Variants in PDE8B observed in about 807,000 individuals in gnomAD.
PDE8B encodes the protein phosphodiesterase 8B.
PDE8B carries 26 observed loss-of-function variants against 101.3 expected under a neutral mutation model. The ratio of observed to expected loss-of-function variants is 0.26; its 90% CI spans 0.19 to 0.36. PDE8B has a LOEUF of 0.36. Ranked by LOEUF, PDE8B falls within the 10% of genes least tolerant of loss-of-function variation. The pLI is 1.00. For synonymous variants in PDE8B, 424 were observed against 429.3 expected, an observed-to-expected ratio of 0.99 and a Z score of 0.15; for missense variants, 810 against 1,163.1, an observed-to-expected ratio of 0.70 and a Z score of 4.42.
the PDE8B span, among the ~76,000 whole-genome samples, chr5:77,200,624 C>G: frequency 1.3e-5 from 2 of 152,054 alleles, no homozygotes; most frequent in African/African-American, 4.8e-5. Flanking sequence ...CAATATCTTA[C>G]TACGTGTACA....
At chr5:77,314,946 T>A (rs1179808651) in intron 2 of PDE8B, among the ~76,000 whole-genome samples, 1 of 152,166 alleles carries the variant, frequency 6.6e-6, no homozygotes, top group African/African-American at 2.4e-5. Flanking sequence ...AGCACTTTTT[T>A]ATTTGTTTAT....
chr5:77,356,403 T>C (rs1782115170), intron 10 of PDE8B, among the ~76,000 whole-genome samples: 1 of 152,152 alleles, frequency 6.6e-6, no homozygotes, highest in Admixed American at 6.5e-5. Context: ...GTTAGGGCCC[T>C]GACATTATAT....
chr5:77,218,057 C>T (rs143580382), intron 1 of PDE8B, among the ~76,000 whole-genome samples: 62 of 152,276 alleles, frequency 4.1e-4, no homozygotes, highest in African/African-American at 1.4e-3. Flanking sequence ...GATTAGCCTA[C>T]CCTGCTGCAA....
At chr5:77,239,483 G>A (rs1447282036) in intron 1 of PDE8B, among the ~76,000 whole-genome samples, 1 of 152,136 alleles carries the variant, frequency 6.6e-6, no homozygotes, top group Non-Finnish European at 1.5e-5. Context: ...GCACTTCCTT[G>A]TTTGCAATCT....
chr5:77,382,795 A>G (rs1787756070), intron 10 of PDE8B, among the ~76,000 whole-genome samples: 2 of 152,104 alleles, frequency 1.3e-5, no homozygotes, highest in Admixed American at 1.3e-4. Flanking sequence ...ATAGTATTCC[A>G]TGGTTCACAT....
chr5:77,097,721 A>ATATATATATATATATATC, the PDE8B span, among the ~76,000 whole-genome samples: 1 of 30,802 alleles, frequency 3.2e-5, no homozygotes, highest in African/African-American at 6.1e-5. Flanking sequence ...ATATATATAT[A>ATATATATATATATATATC]TATATATATA....
chr5:77,151,770 A>C, the PDE8B span: 1 of 152,224 alleles, frequency 6.6e-6, no homozygotes. Context: ...TCTCTAAAGC[A>C]AAAGTTATTT....
At chr5:77,273,750 A>G (rs981877023) in intron 1 of PDE8B, among the ~76,000 whole-genome samples, 3 of 152,056 alleles carry the variant, frequency 2.0e-5, no homozygotes, top group African/African-American at 7.2e-5. Flanking sequence ...ATAAAGTTTG[A>G]TTTTTATTAA....
the PDE8B span, among the ~76,000 whole-genome samples, chr5:77,177,716 C>T: frequency 0.5 from 75,822 of 152,086 alleles, 19,476 homozygotes; most frequent in African/African-American, 0.61. Flanking sequence ...GTAAAACTGA[C>T]AGCCAAGGTG....
At chr5:77,140,485 C>T in the PDE8B span, 1 of 152,230 alleles carries the variant, frequency 6.6e-6, no homozygotes, top group African/African-American at 2.4e-5. Flanking sequence ...GACATTAGCC[C>T]CTACTTACTG....
In PDE8B at chr5:77,211,338, C is replaced by G; in HGVS notation, c.339+74C>G. 2 of 1,408,224 alleles carry G rather than the reference C, an allele frequency of 1.4e-6. No individual in the cohort carries two copies. Among genetic ancestry groups the G allele is most frequent in the Non-Finnish European group, 1.9e-6 (2 of 1,052,126 alleles). The allele number at this position is 1,408,224 out of a possible 1,614,324, so 87.2% of individuals were successfully genotyped here. ...GCGGGGCTCGCACGGGTAGGGGGCT[C>G]CGGCGGAGTTGGGTGACCGTGAGGC... On this transcript the variant is annotated intron_variant, in intron 1 of 21. Transcript: ENST00000264917. This position sits in a 1 kb window ranked among gnomAD's most constrained non-coding sequence, Gnocchi z 4.1.
At chr5:77,199,039 C>A in the PDE8B span, among the ~76,000 whole-genome samples, 1 of 152,122 alleles carries the variant, frequency 6.6e-6, no homozygotes, top group Admixed American at 6.5e-5. Flanking sequence ...ATTTAGGCTA[C>A]GAAATGGCTC....
chr5:77,107,200 C>A, the PDE8B span, among the ~76,000 whole-genome samples: 1 of 152,168 alleles, frequency 6.6e-6, no homozygotes, highest in Non-Finnish European at 1.5e-5. Flanking sequence ...TGGTTTCCAG[C>A]TTCATCCATG....
chr5:77,124,591 A>G, the PDE8B span, among the ~76,000 whole-genome samples: 235 of 152,086 alleles, frequency 1.5e-3, no homozygotes, highest in African/African-American at 5.2e-3. Flanking sequence ...GTCTCAAAAA[A>G]AAAAAAAGAA....
intron 1 of PDE8B, among the ~76,000 whole-genome samples, chr5:77,225,281 C>G (rs541752638): frequency 6.6e-6 from 1 of 152,324 alleles, no homozygotes; most frequent in Admixed American, 6.5e-5. Context: ...CTAGCATCCT[C>G]CAAAGGTAAC....
rs372368197 is a variant in PDE8B, at chr5:77,306,032, C to T, written c.340-5962C>T. On this transcript the variant is annotated intron_variant, in intron 1 of 21. Coordinates refer to ENST00000264917, the MANE Select transcript of PDE8B (RefSeq NM_003719.5). ...GTTTTGGAACTCAGACATTCCACCCCCACCTGGACACACACGCACATGCAC... is the reference window on the plus strand; with the variant it reads ...GTTTTGGAACTCAGACATTCCACCCTCACCTGGACACACACGCACATGCAC... Among the ~76,000 whole-genome samples the T allele has an allele frequency of 6.0e-4, 91 of 152,208 alleles. 1 individual carries two copies. The East Asian group carries it at 0.011, about 18-fold the overall frequency.
intron 1 of PDE8B, among the ~76,000 whole-genome samples, chr5:77,229,234 A>G (rs1753054612): frequency 6.6e-6 from 1 of 152,238 alleles, no homozygotes; most frequent in Non-Finnish European, 1.5e-5. Context: ...GAGAGAATCA[A>G]ATACGGAATT....
At chr5:77,157,566 G>A in the PDE8B span, among the ~76,000 whole-genome samples, 1 of 152,062 alleles carries the variant, frequency 6.6e-6, no homozygotes, top group African/African-American at 2.4e-5. Context: ...AACTATATAT[G>A]CACATAGAGG....
chr5:77,277,851 G>A (rs975654356), intron 1 of PDE8B, among the ~76,000 whole-genome samples: 3 of 152,174 alleles, frequency 2.0e-5, no homozygotes, highest in African/African-American at 4.8e-5. Context: ...AAACTTTGAA[G>A]AATGATTATT....
Sources: gnomAD v4.1 joint callset for allele counts (sites outside exome capture counted in the v4.1 genomes callset) on GRCh38, gnomAD v4.1.1 for gene constraint, Gnocchi (gnomAD v3.1) non-coding constraint, MANE v1.5 for transcripts, NCBI Gene and HGNC (gene_info 2026-07-23, HGNC 2026-07-21) for gene names.